The following ZNF362 variants were observed in gnomAD, a reference collection of about 807,000 sequenced individuals.
ZNF362 encodes zinc finger protein 362, also known as rotund homolog.
ZNF362 carries 11 observed loss-of-function variants against 42.9 expected under a neutral mutation model. The observed-to-expected ratio is 0.26, with a 90% CI of 0.16 to 0.42. The LOEUF is 0.42. Ranked by LOEUF, ZNF362 falls within the 20% of genes least tolerant of loss-of-function variation. The pLI is 1.00. For missense variants in ZNF362, 362 were observed against 576.2 expected, an observed-to-expected ratio of 0.63 and a Z score of 3.81; for synonymous variants, 255 against 257.3, an observed-to-expected ratio of 0.99 and a Z score of 0.09.
the ZNF362 span, chr1:33,165,443 C>T: frequency 1.3e-3 from 1,961 of 1,554,618 alleles, 22 homozygotes; most frequent in African/African-American, 0.024. The surrounding 1 kb of genome is among the most constrained non-coding windows in gnomAD (Gnocchi z 4.0). Flanking sequence ...CTCTGCCGGC[C>T]CCACCTCCGC....
chr1:33,289,911 G>A (rs1570407730), intron 6 of ZNF362, among the ~76,000 whole-genome samples: 1 of 152,120 alleles, frequency 6.6e-6, no homozygotes. Flanking sequence ...GGTCTAGGGG[G>A]TCAGGGAAGG....
chr1:33,177,181 T>G, the ZNF362 span, among the ~76,000 whole-genome samples: 1 of 152,192 alleles, frequency 6.6e-6, no homozygotes, highest in Admixed American at 6.5e-5. This position sits in a 1 kb window ranked among gnomAD's most constrained non-coding sequence, Gnocchi z 4.1. Flanking sequence ...TAGAACTGTA[T>G]AGTAACTCCT....
the ZNF362 span, among the ~76,000 whole-genome samples, chr1:33,153,881 G>A: frequency 4.6e-5 from 7 of 152,236 alleles, no homozygotes; most frequent in Admixed American, 2.6e-4. Flanking sequence ...TGCTGGGAGT[G>A]AATCAGACCT....
chr1:33,271,484 A>C (rs1487820359), intron 2 of ZNF362, among the ~76,000 whole-genome samples: 1 of 152,212 alleles, frequency 6.6e-6, no homozygotes, highest in Non-Finnish European at 1.5e-5. Context: ...GGGCAGGAGC[A>C]AGTGCCTTGC....
chr1:33,145,237 G>A, the ZNF362 span, among the ~76,000 whole-genome samples: 2 of 152,208 alleles, frequency 1.3e-5, no homozygotes, highest in East Asian at 1.9e-4. Flanking sequence ...CCCCAGGTAA[G>A]TCTTGGCTTC....
chr1:33,262,390 C>T (rs944170004), intron 1 of ZNF362, among the ~76,000 whole-genome samples: 6 of 16,582 alleles, frequency 3.6e-4, no homozygotes, highest in Admixed American at 9.9e-4. Flanking sequence ...CTGTAAGCTC[C>T]GCCTCCTGGG....
At chr1:33,177,457 G>A in the ZNF362 span, among the ~76,000 whole-genome samples, 1 of 152,170 alleles carries the variant, frequency 6.6e-6, no homozygotes. The surrounding 1 kb of genome is among the most constrained non-coding windows in gnomAD (Gnocchi z 4.1). Flanking sequence ...AGGACACACA[G>A]CATGTCAGGA....
At chr1:33,134,995 C>G in the ZNF362 span, among the ~76,000 whole-genome samples, 1 of 152,176 alleles carries the variant, frequency 6.6e-6, no homozygotes, top group Admixed American at 6.5e-5. Flanking sequence ...CTGATTAAAA[C>G]CATTCATGGA....
At chr1:33,296,642 A>G (rs1468988913) in intron 8 of ZNF362, among the ~76,000 whole-genome samples, 3 of 72,824 alleles carry the variant, frequency 4.1e-5, no homozygotes, top group Non-Finnish European at 1.0e-4. Flanking sequence ...GAGGAGAAAG[A>G]GGGGAAAGAA....
chr1:33,167,671 G>T, the ZNF362 span, among the ~76,000 whole-genome samples: 1 of 152,178 alleles, frequency 6.6e-6, no homozygotes, highest in East Asian at 1.9e-4. This position sits in a 1 kb window ranked among gnomAD's most constrained non-coding sequence, Gnocchi z 4.2. Flanking sequence ...TCTGGGCTGT[G>T]AGCAGTGCCA....
chr1:33,291,252 G>A (rs1007043752), intron 6 of ZNF362, among the ~76,000 whole-genome samples: 1 of 152,138 alleles, frequency 6.6e-6, no homozygotes, highest in Non-Finnish European at 1.5e-5. Flanking sequence ...TAAGGTGTAA[G>A]GAAGGGATCC....
At chr1:33,155,930 C>G in the ZNF362 span, among the ~76,000 whole-genome samples, 2 of 152,326 alleles carry the variant, frequency 1.3e-5, no homozygotes, top group East Asian at 1.9e-4. Context: ...ATCCCTTGCT[C>G]CCATCTCCGC....
At chr1:33,171,557 T>C in the ZNF362 span, among the ~76,000 whole-genome samples, 1 of 152,180 alleles carries the variant, frequency 6.6e-6, no homozygotes, top group Non-Finnish European at 1.5e-5. Flanking sequence ...GAGTACCCAA[T>C]GAGTGTCAGG....
chr1:33,128,983 C>G, the ZNF362 span, among the ~76,000 whole-genome samples: 1 of 152,150 alleles, frequency 6.6e-6, no homozygotes, highest in Non-Finnish European at 1.5e-5. Context: ...AGGATTAGGA[C>G]AGGCGTGGCA....
chr1:33,253,280 A>AGTCT (rs1007828970), upstream of ZNF362, among the ~76,000 whole-genome samples: 2 of 148,702 alleles, frequency 1.3e-5, no homozygotes, highest in African/African-American at 5.0e-5. Context: ...AGCTGAGCTC[A>AGTCT]GTCTCTCCAT....
chr1:33,214,063 A>C, the ZNF362 span, among the ~76,000 whole-genome samples: 89 of 152,320 alleles, frequency 5.8e-4, no homozygotes, highest in Admixed American at 1.4e-3. Context: ...ATCCAATTAA[A>C]AATGTGAAAT....
chr1:33,165,316 T>C, the ZNF362 span: 1 of 630,060 alleles, frequency 1.6e-6, no homozygotes, highest in Non-Finnish European at 2.7e-6. This position sits in a 1 kb window ranked among gnomAD's most constrained non-coding sequence, Gnocchi z 4.0. Context: ...CCTACCCTCT[T>C]CCCCACCCTG....
At chr1:33,259,399 G>A (rs1268893335) in intron 1 of ZNF362, among the ~76,000 whole-genome samples, 1 of 152,208 alleles carries the variant, frequency 6.6e-6, no homozygotes, top group African/African-American at 2.4e-5. Flanking sequence ...AAAGGAGGAA[G>A]CAGGTGTGTG....
At chr1:33,259,511 C>T (rs1455142940) in intron 1 of ZNF362, among the ~76,000 whole-genome samples, 1 of 152,216 alleles carries the variant, frequency 6.6e-6, no homozygotes, top group Non-Finnish European at 1.5e-5. Flanking sequence ...CCATTCATTC[C>T]TTCTTCTGCC....
Sources: allele counts gnomAD v4.1 joint callset (sites outside exome capture counted in the v4.1 genomes callset), GRCh38; gene constraint gnomAD v4.1.1; non-coding constraint Gnocchi (gnomAD v3.1); transcripts MANE v1.5; gene names NCBI Gene and HGNC (gene_info 2026-07-23, HGNC 2026-07-21).